The following TSHZ3 variants were observed in gnomAD, a reference collection of about 807,000 sequenced individuals.
TSHZ3 encodes the protein teashirt zinc finger homeobox 3, also known as teashirt homolog 3.
In TSHZ3, 10 loss-of-function variants were observed where a neutral mutation model predicts 64.5. That is an observed-to-expected ratio of 0.16 (90% CI 0.10 to 0.26). The LOEUF (loss-of-function observed/expected upper bound fraction) is 0.26. Ranked by LOEUF, TSHZ3 falls within the 10% of genes least tolerant of loss-of-function variation. TSHZ3 has a pLI of 1.00. For missense variants in TSHZ3, 1,242 were observed against 1,421.7 expected (o/e 0.87, Z 2.03); for synonymous variants, 608 against 593.1 (o/e 1.03, Z -0.36).
intron 4 of TSHZ3, among the ~76,000 whole-genome samples, chr19:31,213,253 A>G (rs1975282961): frequency 6.8e-6 from 1 of 147,320 alleles, no homozygotes; most frequent in Non-Finnish European, 1.5e-5. Context: ...GCTACTCAGG[A>G]GGCTGAGGCA....
chr19:31,165,743 T>C (rs1023084079), intron 5 of TSHZ3, among the ~76,000 whole-genome samples: 1 of 152,208 alleles, frequency 6.6e-6, no homozygotes, highest in Non-Finnish European at 1.5e-5. Context: ...ACAAGGACTA[T>C]GCAGGGTGTA....
At chr19:31,158,265 C>T (rs182122904) in intron 5 of TSHZ3, among the ~76,000 whole-genome samples, 4 of 152,146 alleles carry the variant, frequency 2.6e-5, no homozygotes, top group South Asian at 4.2e-4. Context: ...ATCTCAAGGA[C>T]AATAGAGAAA....
At chr19:31,350,086 C>CA (rs2021668851), upstream of TSHZ3, among the ~76,000 whole-genome samples, 1 of 147,186 alleles carries the variant, frequency 6.8e-6, no homozygotes, top group Admixed American at 6.7e-5. Context: ...AGCCACCCCC[C>CA]AGCTGCCCCA....
chr19:31,171,786 T>C lies in TSHZ3; in HGVS notation n.810-15369A>G, dbSNP rs535201963. ...CCATGTGCACCAGGACCAGAATTAA[T>C]GTGATGTCAGTATTGAGAAGGCCTT... is the stretch of plus-strand genomic sequence containing the variant. On this transcript the variant is annotated intron_variant and non_coding_transcript_variant, in intron 5 of 6. Transcript: ENST00000651361. Among the ~76,000 whole-genome samples, 4 of 152,214 alleles carry C rather than the reference T, an allele frequency of 2.6e-5. No individual in the cohort carries two copies. In the South Asian group the frequency reaches 8.3e-4, roughly 32 times the overall value.
intron 5 of TSHZ3, among the ~76,000 whole-genome samples, chr19:31,176,912 A>G (rs909911429): frequency 6.6e-6 from 1 of 152,228 alleles, no homozygotes; most frequent in Non-Finnish European, 1.5e-5. Flanking sequence ...TGGAGCAAAC[A>G]GGGCTCTCAT....
chr19:31,265,661 T>A, intron 1 of TSHZ3, among the ~76,000 whole-genome samples: 1 of 152,002 alleles, frequency 6.6e-6, no homozygotes, highest in East Asian at 1.9e-4. Flanking sequence ...ACCCTAAACA[T>A]ATGGCTTGAA....
At chr19:31,311,154 C>G (rs1916446340) in intron 1 of TSHZ3, among the ~76,000 whole-genome samples, 1 of 152,246 alleles carries the variant, frequency 6.6e-6, no homozygotes, top group South Asian at 2.1e-4. Flanking sequence ...GTCAGACAGA[C>G]TCTGGGCTAA....
At chr19:31,318,379 C>A (rs1916666510) in intron 1 of TSHZ3, among the ~76,000 whole-genome samples, 1 of 152,032 alleles carries the variant, frequency 6.6e-6, no homozygotes. Context: ...GGTTTCTTTT[C>A]ATTTTATTTT....
intron 1 of TSHZ3, among the ~76,000 whole-genome samples, chr19:31,250,779 T>A (rs1975829191): frequency 6.6e-6 from 1 of 152,160 alleles, no homozygotes; most frequent in African/African-American, 2.4e-5. Flanking sequence ...GAGGTACTGC[T>A]TAGCACTGAG....
At chr19:31,157,433 G>T (rs911926120) in intron 5 of TSHZ3, among the ~76,000 whole-genome samples, 1 of 152,096 alleles carries the variant, frequency 6.6e-6, no homozygotes, top group Admixed American at 6.5e-5. Flanking sequence ...TGCTCTAAAA[G>T]GTTAGAGCTC....
At chr19:31,267,507 A>G (rs1015216421) in intron 1 of TSHZ3, among the ~76,000 whole-genome samples, 1 of 151,984 alleles carries the variant, frequency 6.6e-6, no homozygotes, top group African/African-American at 2.4e-5. Context: ...CATCAGGCCC[A>G]AGCACAAGGC....
At chr19:31,197,283 A>T (rs899790884) in intron 5 of TSHZ3, among the ~76,000 whole-genome samples, 2 of 151,952 alleles carry the variant, frequency 1.3e-5, no homozygotes, top group African/African-American at 4.8e-5. Flanking sequence ...ACAACTTATA[A>T]AATTTGTGAG....
chr19:31,191,630 G>T (rs919249051), intron 5 of TSHZ3, among the ~76,000 whole-genome samples: 5 of 152,110 alleles, frequency 3.3e-5, no homozygotes, highest in African/African-American at 1.2e-4. Flanking sequence ...GCTGAGGTGG[G>T]AGGTTCACTT....
At chr19:31,249,889 C>T (rs1047950660) in intron 1 of TSHZ3, among the ~76,000 whole-genome samples, 2 of 152,200 alleles carry the variant, frequency 1.3e-5, no homozygotes, top group Admixed American at 1.3e-4. Context: ...GAAGACACTC[C>T]GTGGTCAATA....
At chr19:31,223,837 G>A (rs1027600597) in intron 4 of TSHZ3, among the ~76,000 whole-genome samples, 1 of 152,042 alleles carries the variant, frequency 6.6e-6, no homozygotes, top group African/African-American at 2.4e-5. Context: ...GACTGTCCTA[G>A]CTGGAGCGGG....
chr19:31,216,830 T>A (rs940660446), intron 4 of TSHZ3, among the ~76,000 whole-genome samples: 13 of 151,992 alleles, frequency 8.6e-5, no homozygotes, highest in Non-Finnish European at 1.0e-4. Context: ...TTTTATTTTT[T>A]ATTTTTTTGT....
At chr19:31,190,722 A>G (rs993022693) in intron 5 of TSHZ3, among the ~76,000 whole-genome samples, 7 of 152,202 alleles carry the variant, frequency 4.6e-5, no homozygotes, top group African/African-American at 1.4e-4. Flanking sequence ...TTTCTGTAGA[A>G]ATCGACTCTG....
At chr19:31,299,373 A>C (rs1391134501) in intron 1 of TSHZ3, among the ~76,000 whole-genome samples, 1 of 152,170 alleles carries the variant, frequency 6.6e-6, no homozygotes, top group Non-Finnish European at 1.5e-5. Context: ...GGGCACGGGG[A>C]GACACAAACT....
intron 5 of TSHZ3, among the ~76,000 whole-genome samples, chr19:31,167,100 G>C (rs932103786): frequency 2.6e-5 from 4 of 152,122 alleles, no homozygotes; most frequent in African/African-American, 9.7e-5. Context: ...TCACGCAGTA[G>C]GGCTTTTTGA....
Sources: gnomAD v4.1 joint callset for allele counts (sites outside exome capture counted in the v4.1 genomes callset) on GRCh38, gnomAD v4.1.1 for gene constraint, MANE v1.5 for transcripts, NCBI Gene and HGNC (gene_info 2026-07-23, HGNC 2026-07-21) for gene names.